Variants in ARHGEF28 observed in about 807,000 individuals in gnomAD.
The protein encoded by ARHGEF28 is Rho guanine nucleotide exchange factor 28, also known as 190 kDa guanine nucleotide exchange factor.
In ARHGEF28, 152 loss-of-function variants were observed where a neutral mutation model predicts 206.6. The observed-to-expected ratio is 0.74, with a 90% CI of 0.64 to 0.84. The LOEUF (loss-of-function observed/expected upper bound fraction) is 0.84. ARHGEF28 is among the 40% of genes least tolerant of loss of function. The pLI is 0.00. For missense variants in ARHGEF28, 2,028 were observed against 2,073.2 expected (o/e 0.98, Z 0.42); for synonymous variants, 763 against 776.4 (o/e 0.98, Z 0.29).
intron 12 of ARHGEF28, 39 bp from the exon 13 acceptor site, chr5:73,848,937 T>C: frequency 7.3e-7 from 1 of 1,370,914 alleles, no homozygotes; most frequent in Non-Finnish European, 1.0e-6. Context: ...TTTCAGACCA[T>C]GTATAAATTT....
chr5:73,779,522 A>G (rs1013224966), intron 6 of ARHGEF28, among the ~76,000 whole-genome samples: 1 of 152,180 alleles, frequency 6.6e-6, no homozygotes, highest in African/African-American at 2.4e-5. Context: ...CTTTTCTCAC[A>G]TAGCCTTGGC....
At chr5:73,925,124 CA>C (rs1342561144) in intron 35 of ARHGEF28, among the ~76,000 whole-genome samples, 2 of 152,162 alleles carry the variant, frequency 1.3e-5, no homozygotes, top group Admixed American at 1.3e-4. Flanking sequence ...GGTTGGTATC[CA>C]GACCTCTTAG....
intron 9 of ARHGEF28, among the ~76,000 whole-genome samples, chr5:73,806,293 T>C (rs1313735717): frequency 4.5e-5 from 6 of 133,294 alleles, no homozygotes; most frequent in Non-Finnish European, 7.8e-5. Context: ...AGATAGTATA[T>C]ATAGTATAGT....
At chr5:73,844,662 C>G (rs185248200) in intron 11 of ARHGEF28, among the ~76,000 whole-genome samples, 1 of 138,238 alleles carries the variant, frequency 7.2e-6, no homozygotes, top group Non-Finnish European at 1.5e-5. Context: ...TTTTAAATAA[C>G]CTAAACAGGT....
intron 7 of ARHGEF28, among the ~76,000 whole-genome samples, chr5:73,782,663 G>A (rs1401935753): frequency 6.6e-6 from 1 of 152,104 alleles, no homozygotes; most frequent in Non-Finnish European, 1.5e-5. Flanking sequence ...CTGTGTTGAC[G>A]GAGCCACTCT....
intron 4 of ARHGEF28, among the ~76,000 whole-genome samples, chr5:73,759,577 G>A (rs1052133386): frequency 1.3e-5 from 2 of 152,052 alleles, no homozygotes; most frequent in African/African-American, 2.4e-5. Flanking sequence ...TAAGAGTTAG[G>A]GTTATCTAGC....
At position 73,864,849 on chromosome 5, in the gene ARHGEF28, G is replaced by T; in HGVS notation, c.2080G>T (p.Asp694Tyr). Reference protein sequence around the residue: ...CNANVHKGCKDAAPACTKKFQ... With the variant: ...CNANVHKGCKYAAPACTKKFQ... Reference sequence around the variant, plus strand: ...TGCAAATGTGCACAAAGGTTGTAAAGATGCTGCGCCTGCATGCACCAAGGT... The same window carrying T: ...TGCAAATGTGCACAAAGGTTGTAAATATGCTGCGCCTGCATGCACCAAGGT... The change falls in exon 17 of 36, where the codon GAT becomes TAT. Residue 694 changes from aspartate (D) to tyrosine (Y), a missense_variant. Physicochemically the swap from Asp to Tyr is radical, Grantham distance 160. Coordinates refer to ENST00000513042, the MANE Select transcript of ARHGEF28 (RefSeq NM_001177693.2). 6.2e-7 allele frequency: 1 copy of T among 1,613,366 alleles called. No individual in the cohort carries two copies. Among genetic ancestry groups the T allele is most frequent in the East Asian group, 2.2e-5 (1 of 44,858 alleles).
At chr5:73,732,699 G>A (rs536992619) in intron 2 of ARHGEF28, among the ~76,000 whole-genome samples, 7 of 152,170 alleles carry the variant, frequency 4.6e-5, no homozygotes, top group East Asian at 1.9e-4. Context: ...GGATTTGCTC[G>A]GTTTATTGCT....
At chr5:73,910,381 CAAAAAAAAAAAAA>C (rs60086897) in intron 34 of ARHGEF28, among the ~76,000 whole-genome samples, 1 of 31,008 alleles carries the variant, frequency 3.2e-5, no homozygotes, top group African/African-American at 1.5e-4. Context: ...AACACCATCT[CAAAAAAAAAAAAA>C]AAAAAAAAAA....
At chr5:73,854,431 A>G (rs942565053) in intron 14 of ARHGEF28, among the ~76,000 whole-genome samples, 14 of 152,166 alleles carry the variant, frequency 9.2e-5, no homozygotes, top group African/African-American at 3.4e-4. Context: ...TCTTAAATCT[A>G]TTGTATGTAT....
chr5:73,789,721 G>A (rs1754357318), intron 7 of ARHGEF28, among the ~76,000 whole-genome samples: 1 of 151,778 alleles, frequency 6.6e-6, no homozygotes, highest in South Asian at 2.1e-4. Context: ...ATTGCAGCAT[G>A]GGCTTCATGT....
intron 5 of ARHGEF28, among the ~76,000 whole-genome samples, chr5:73,776,311 A>G (rs1753537909): frequency 6.6e-6 from 1 of 152,234 alleles, no homozygotes; most frequent in African/African-American, 2.4e-5. Context: ...ATGGTTTCCA[A>G]TAGACTTCTT....
At chr5:73,788,736 T>A (rs1388829624) in intron 7 of ARHGEF28, among the ~76,000 whole-genome samples, 1 of 152,108 alleles carries the variant, frequency 6.6e-6, no homozygotes, top group Non-Finnish European at 1.5e-5. Flanking sequence ...TCCAAAAAAA[T>A]TACCAATATA....
chr5:73,706,882 C>G (rs112647113), intron 2 of ARHGEF28, among the ~76,000 whole-genome samples: 300 of 152,282 alleles, frequency 2.0e-3, no homozygotes, highest in African/African-American at 7.1e-3. Context: ...ATATGATTAT[C>G]TGAGGATGTG....
intron 1 of ARHGEF28, among the ~76,000 whole-genome samples, chr5:73,630,035 C>T (rs921183256): frequency 6.6e-6 from 1 of 152,186 alleles, no homozygotes; most frequent in Non-Finnish European, 1.5e-5. Context: ...AAATAGCATT[C>T]TGCCTATTTC....
intron 1 of ARHGEF28, among the ~76,000 whole-genome samples, chr5:73,657,166 C>G (rs1238104282): frequency 8.7e-6 from 1 of 114,572 alleles, no homozygotes; most frequent in Non-Finnish European, 1.8e-5. Flanking sequence ...GAGCAAGACT[C>G]CGTCCCAAAA....
chr5:73,869,950 A>T, intron 20 of ARHGEF28, 119 bp from the exon 21 acceptor site: 2 of 1,195,104 alleles, frequency 1.7e-6, no homozygotes, highest in Non-Finnish European at 2.3e-6. Flanking sequence ...GTTTTGGTTT[A>T]GTAGTTTCCA....
intron 11 of ARHGEF28, 69 bp from the exon 12 acceptor site, chr5:73,846,199 G>C: frequency 7.0e-7 from 1 of 1,431,020 alleles, no homozygotes; most frequent in Non-Finnish European, 9.7e-7. Context: ...TGGATTCAGA[G>C]AAGTAGAAAC....
intron 20 of ARHGEF28, 41 bp from the exon 21 acceptor site, chr5:73,870,028 A>G (rs778199229): frequency 5.0e-6 from 8 of 1,598,422 alleles, no homozygotes; most frequent in East Asian, 2.2e-5. Flanking sequence ...TTTGTGCTGC[A>G]TTATTGTACT....
Sources: gnomAD v4.1 joint callset for allele counts (sites outside exome capture counted in the v4.1 genomes callset) on GRCh38, gnomAD v4.1.1 for gene constraint, MANE v1.5 for transcripts, NCBI Gene and HGNC (gene_info 2026-07-23, HGNC 2026-07-21) for gene names.